FLYWCH2: variants seen among roughly 807,000 people sequenced by gnomAD.
FLYWCH2 encodes FLYWCH family member 2.
FLYWCH2 carries 2 observed loss-of-function variants against 6.0 expected under a neutral mutation model. The ratio of observed to expected loss-of-function variants is 0.33; its 90% CI spans 0.14 to 1.04. FLYWCH2 has a LOEUF of 1.04. FLYWCH2 is among the 50% of genes least tolerant of loss of function. FLYWCH2 has a pLI of 0.45. For synonymous variants in FLYWCH2, 87 were observed against 79.3 expected (o/e 1.10, Z -0.52); for missense variants, 192 against 183.4 (o/e 1.05, Z -0.27).
rs148047974 is a variant in FLYWCH2, at chr16:2,895,539, C to T, written c.-99+219C>T. Among the ~76,000 whole-genome samples, 662 of 152,276 alleles carry T rather than the reference C, an allele frequency of 4.3e-3. 3 individuals are homozygous for T. Among genetic ancestry groups the T allele is most frequent in the African/African-American group, 0.015 (634 of 41,546 alleles). The stretch of plus-strand genomic sequence containing the variant: ...TTGAGGCAGGAGAATGGCATGAACC[C>T]GGGAGGCGGAGCTTGCAGTGAGCCA... On this transcript the variant is annotated intron_variant, in intron 2 of 3. Coordinates refer to ENST00000396958, the MANE Select transcript of FLYWCH2 (RefSeq NM_138439.3).
At chr16:2,896,136 T>C (rs2150850514) in intron 2 of FLYWCH2, among the ~76,000 whole-genome samples, 1 of 152,316 alleles carries the variant, frequency 6.6e-6, no homozygotes, top group East Asian at 1.9e-4. Context: ...TGTGCACCTT[T>C]TCCAGATGGG....
Position 2,899,321 on chromosome 16 carries a change from T to C in FLYWCH2, c.*172T>C, listed in dbSNP as rs1483976195. On this transcript the variant is annotated 3_prime_UTR_variant, in exon 4 of 4. Transcript: ENST00000396958. ...TAAGTTACTTTTGTAAGCAGAAAAA[T>C]ACTTTCAAACAAGAATAAAAGAAGC... 3.9e-6 allele frequency: 2 copies of C among 517,536 alleles called. No individual in the cohort carries two copies. Among genetic ancestry groups the C allele is most frequent in the African/African-American group, 4.2e-5 (2 of 48,030 alleles). 32.1% of individuals were successfully genotyped at this position (517,536 alleles called of 1,614,324 possible). A position where few individuals can be genotyped will look rare whatever the true frequency, so the allele number is the denominator to read the frequency against.
chr16:2,887,309 C>CTTTTTTT (rs1404704064), intron 1 of FLYWCH2, among the ~76,000 whole-genome samples: 1 of 119,092 alleles, frequency 8.4e-6, no homozygotes. Context: ...CCATGCCCGG[C>CTTTTTTT]TTTCTTTTTT....
chr16:2,898,799 G>C, intron 3 of FLYWCH2: 1 of 387,222 alleles, frequency 2.6e-6, no homozygotes, highest in Admixed American at 4.7e-5. Flanking sequence ...GATGGCTGCG[G>C]CTTCCCAGTG....
At chr16:2,887,741 A>AT (rs917953054) in intron 1 of FLYWCH2, among the ~76,000 whole-genome samples, 2 of 151,290 alleles carry the variant, frequency 1.3e-5, no homozygotes, top group Non-Finnish European at 1.5e-5. Context: ...GGTTAATAAT[A>AT]TTTTTTTTAG....
At chr16:2,887,048 A>G (rs1258443877) in intron 1 of FLYWCH2, among the ~76,000 whole-genome samples, 2 of 152,126 alleles carry the variant, frequency 1.3e-5, no homozygotes, top group African/African-American at 4.8e-5. Context: ...CTTTCATTAT[A>G]TTGAAGAAAG....
rs985164738 is a variant in FLYWCH2 at position 2,895,278 on chromosome 16, C to T, written c.-141C>T. The T allele has an allele frequency of 5.9e-5, 9 of 152,348 alleles. No homozygotes were observed. The highest frequency in any genetic ancestry group is 2.2e-4 in the African/African-American group (9 of 41,448). The allele number at this position is 152,348 out of a possible 1,614,324, so 9.4% of individuals were successfully genotyped here. ...ATCCACAACATCTCCACATCGCTGTCCCCACCCAGCCAGGGCAGCGCCAGC... is the reference window on the plus strand; with the variant it reads ...ATCCACAACATCTCCACATCGCTGTTCCCACCCAGCCAGGGCAGCGCCAGC... On this transcript the variant is annotated 5_prime_UTR_variant, in exon 2 of 4. Transcript: ENST00000396958.
chr16:2,894,189 G>T (rs1477912794), intron 1 of FLYWCH2, among the ~76,000 whole-genome samples: 1 of 152,176 alleles, frequency 6.6e-6, no homozygotes, highest in Non-Finnish European at 1.5e-5. Context: ...TGCTAGGTCT[G>T]GGTCCCTGCC....
intron 2 of FLYWCH2, among the ~76,000 whole-genome samples, chr16:2,895,964 A>G (rs542324254): frequency 7.2e-5 from 11 of 152,330 alleles, no homozygotes; most frequent in Non-Finnish European, 8.8e-5. Context: ...GACTGGGTCC[A>G]TAAGAACAGC....
chr16:2,892,011 G>A (rs998689879), intron 1 of FLYWCH2, among the ~76,000 whole-genome samples: 1 of 151,422 alleles, frequency 6.6e-6, no homozygotes, highest in Non-Finnish European at 1.5e-5. Flanking sequence ...TGCCAACATG[G>A]TGAAACCCTG....
chr16:2,896,172 G>T (rs539038293), intron 2 of FLYWCH2, among the ~76,000 whole-genome samples, 180 bp from the exon 3 acceptor site: 1 of 152,154 alleles, frequency 6.6e-6, no homozygotes, highest in Non-Finnish European at 1.5e-5. Context: ...TGGGGCTGAC[G>T]TTCCCAAGGC....
intron 1 of FLYWCH2, among the ~76,000 whole-genome samples, chr16:2,888,198 C>T (rs1403969610): frequency 2.0e-5 from 3 of 151,726 alleles, no homozygotes; most frequent in Admixed American, 1.3e-4. Context: ...TTAGTAGAGA[C>T]GGGGTTTCAC....
chr16:2,890,591 T>G (rs1373231093), intron 1 of FLYWCH2, among the ~76,000 whole-genome samples: 2 of 151,470 alleles, frequency 1.3e-5, no homozygotes, highest in Non-Finnish European at 2.9e-5. Flanking sequence ...ATTTTTTTTT[T>G]TTTTTGTATT....
chr16:2,896,760 G>T lies in FLYWCH2; in HGVS notation c.311G>T (p.Arg104Met). The T allele has an allele frequency of 6.2e-7, 1 of 1,610,192 alleles. No individual in the cohort carries two copies. Residue 104 changes from arginine to methionine, a missense_variant, in exon 3 of 4, where the codon AGG becomes ATG. Physicochemically the swap from Arg to Met is moderately conservative, Grantham distance 91. Transcript: ENST00000396958. ...CAGGAGCCTGAGCAGAAACGGAGCA[G>T]GCAGGACCCAGGTGAGGCTCCACAG... is the stretch of plus-strand genomic sequence containing the variant. ...APQEPEQKRS[R>M]QDPGTDRTED...
At chr16:2,892,483 G>A (rs1295865975) in intron 1 of FLYWCH2, among the ~76,000 whole-genome samples, 6 of 135,748 alleles carry the variant, frequency 4.4e-5, no homozygotes, top group Non-Finnish European at 8.0e-5. Context: ...GAGACAGAGC[G>A]AGACTCCATC....
intron 2 of FLYWCH2, among the ~76,000 whole-genome samples, chr16:2,895,892 T>A (rs977859955): frequency 6.6e-6 from 1 of 152,222 alleles, no homozygotes; most frequent in African/African-American, 2.4e-5. Flanking sequence ...CTGTGTCCAC[T>A]CCATCTCTGC....
intron 1 of FLYWCH2, among the ~76,000 whole-genome samples, chr16:2,891,378 G>T (rs2069755483): frequency 6.6e-6 from 1 of 152,130 alleles, no homozygotes; most frequent in Non-Finnish European, 1.5e-5. Flanking sequence ...GAGTGGCAGG[G>T]TTCTCTCTCT....
chr16:2,896,873 C>A, intron 3 of FLYWCH2, 102 bp downstream of exon 3: 1 of 1,146,934 alleles, frequency 8.7e-7, no homozygotes, highest in South Asian at 1.5e-5. Context: ...CATGCGGGTC[C>A]TTGTTCCCTG....
At position 2,888,726 on chromosome 16, in the gene FLYWCH2, A is replaced by C. The variant is rs534642462; in HGVS notation, c.-200+5360A>C. On this transcript the variant is annotated intron_variant, in intron 1 of 3. Coordinates refer to ENST00000396958, the MANE Select transcript of FLYWCH2 (RefSeq NM_138439.3). ...CAGCTAAGCCTCTTATCCTGGAGGA[A>C]GTCCCAGGACTGGCTTCTTCTTGGC... 2.0e-5 allele frequency among the ~76,000 whole-genome samples: 3 copies of C among 152,216 alleles called. No individual in the cohort carries two copies. The South Asian group carries it at 6.2e-4, about 32-fold the overall frequency.
Sources: gnomAD v4.1 joint callset for allele counts (sites outside exome capture counted in the v4.1 genomes callset) on GRCh38, gnomAD v4.1.1 for gene constraint, MANE v1.5 for transcripts, NCBI Gene and HGNC (gene_info 2026-07-23, HGNC 2026-07-21) for gene names.